FAM83G: variants seen among roughly 807,000 people sequenced by gnomAD.
FAM83G encodes the protein scaffolding CK1 anchoring protein G, also known as protein FAM83G.
FAM83G carries 38 observed loss-of-function variants against 61.5 expected under a neutral mutation model. The observed-to-expected ratio is 0.62, with a 90% CI of 0.48 to 0.81. The LOEUF (loss-of-function observed/expected upper bound fraction) is 0.81, where lower values mean the gene tolerates loss of function less well. Ranked by LOEUF, FAM83G falls within the 30% of genes least tolerant of loss-of-function variation. The pLI is 0.00. For missense variants in FAM83G, 989 were observed against 1,133.6 expected, an observed-to-expected ratio of 0.87 and a Z score of 1.83; for synonymous variants, 470 against 476.1, an observed-to-expected ratio of 0.99 and a Z score of 0.17.
chr17:18,987,484 CAGA>C (rs1278307474), intron 3 of FAM83G, among the ~76,000 whole-genome samples: 1 of 152,226 alleles, frequency 6.6e-6, no homozygotes, highest in Non-Finnish European at 1.5e-5. Flanking sequence ...CGATGGCTGG[CAGA>C]AGGAGGGCTC....
rs1176935676 is a variant in FAM83G, at chr17:18,984,332, CA to C, written c.690+3914del. Among the ~76,000 whole-genome samples the C allele has an allele frequency of 4.9e-3, 332 of 68,010 alleles. 3 individuals carry two copies. The highest frequency in any genetic ancestry group is 8.3e-3 in the Middle Eastern group (1 of 120). The allele number at this position is 68,010 out of a possible 152,430, so 44.6% of individuals were successfully genotyped here. ...TGGGCGACAGAGCAAGACTCCCTCT[CA>C]AAAAAAAAAAAAAAAAAAAAAGAGA... On this transcript the variant is annotated intron_variant, in intron 3 of 5. Coordinates refer to ENST00000388995, the MANE Select transcript of FAM83G (RefSeq NM_001039999.3).
chr17:19,003,378 A>C lies in FAM83G; in HGVS notation c.522+142T>G. The C allele has an allele frequency of 1.1e-6, 1 of 910,764 alleles. No individual in the cohort carries two copies. Among genetic ancestry groups the C allele is most frequent in the East Asian group, 3.2e-5 (1 of 31,364 alleles). 56.4% of individuals were successfully genotyped at this position (910,764 alleles called of 1,614,324 possible). The stretch of plus-strand genomic sequence containing the variant: ...CCACGAAGGTGGGGAGGAAACCTCC[A>C]CCCAAGAGGCAGCCAGGGAAAACAG... On this transcript the variant is annotated intron_variant, in intron 2 of 5. Transcript: ENST00000388995. This position sits in a 1 kb window ranked among gnomAD's most constrained non-coding sequence, Gnocchi z 4.5.
intron 5 of FAM83G, among the ~76,000 whole-genome samples, chr17:18,973,819 A>AC (rs1461640993): frequency 7.3e-6 from 1 of 136,610 alleles, no homozygotes; most frequent in Non-Finnish European, 1.6e-5. Flanking sequence ...TGTCTCAGCC[A>AC]CCCAGGTAGC....
At chr17:18,985,804 C>A (rs1359598671) in intron 3 of FAM83G, among the ~76,000 whole-genome samples, 1 of 152,190 alleles carries the variant, frequency 6.6e-6, no homozygotes, top group Non-Finnish European at 1.5e-5. Context: ...GCAGGCGGGG[C>A]CAGGGACCTG....
chr17:18,975,506 A>T (rs557472591), intron 5 of FAM83G, among the ~76,000 whole-genome samples: 78 of 152,164 alleles, frequency 5.1e-4, no homozygotes, highest in Non-Finnish European at 8.1e-4. Flanking sequence ...CCTGACCAAC[A>T]TGGTAAAACC....
Position 19,003,559 on chromosome 17 carries a change from G to C in FAM83G, c.483C>G (p.Ile161Met), listed in dbSNP as rs1393900527. ...MQPPIDGQAH[I>M]KEVVRKMISQ... ...TGATCATCTTCCGCACCACCTCTTT[G>C]ATGTGGGCCTGCCCGTCTATGGGGG... Residue 161 changes from isoleucine to methionine, a missense_variant, in exon 2 of 6, where the codon ATC (isoleucine) becomes ATG (methionine). Ile to Met is a conservative substitution (Grantham distance 10). Transcript: ENST00000388995. The surrounding 1 kb of genome is among the most constrained non-coding windows in gnomAD (Gnocchi z 4.5). 1 of 1,566,070 alleles carries C rather than the reference G, an allele frequency of 6.4e-7. No homozygotes were observed. Among genetic ancestry groups the C allele is most frequent in the Non-Finnish European group, 8.7e-7 (1 of 1,155,528 alleles).
At chr17:18,972,491 C>T (rs1174644662) in intron 5 of FAM83G, among the ~76,000 whole-genome samples, 1 of 152,146 alleles carries the variant, frequency 6.6e-6, no homozygotes, top group African/African-American at 2.4e-5. Flanking sequence ...TCCGTGGTTC[C>T]CGACTCTGCT....
chr17:19,000,105 C>A lies in FAM83G; in HGVS notation c.522+3415G>T, dbSNP rs918623801. 5.9e-5 allele frequency among the ~76,000 whole-genome samples: 9 copies of A among 152,234 alleles called. No individual in the cohort carries two copies. Among genetic ancestry groups the A allele is most frequent in the Non-Finnish European group, 1.0e-4 (7 of 68,040 alleles). On this transcript the variant is annotated intron_variant, in intron 2 of 5. Transcript: ENST00000388995. This position sits in a 1 kb window ranked among gnomAD's most constrained non-coding sequence, Gnocchi z 5.2. ...CCAGGCGTGATCTTACAAGCCCGTC[C>A]TCTGGTATGTAGTTGGAACCCCACA...
intron 2 of FAM83G, among the ~76,000 whole-genome samples, chr17:18,998,915 CTGTTCT>C (rs1248660414): frequency 2.6e-5 from 4 of 152,212 alleles, no homozygotes; most frequent in Non-Finnish European, 5.9e-5. Context: ...AGAGCTCACC[CTGTTCT>C]TGTGAGTCCC....
chr17:18,989,948 C>T (rs1422126125), intron 2 of FAM83G, among the ~76,000 whole-genome samples: 2 of 152,194 alleles, frequency 1.3e-5, no homozygotes, highest in African/African-American at 2.4e-5. Flanking sequence ...AGAGAGTGGT[C>T]CCCCCAGAGC....
chr17:18,977,412 T>C (rs2043006600), intron 5 of FAM83G, 172 bp downstream of exon 5: 2 of 663,938 alleles, frequency 3.0e-6, no homozygotes, highest in African/African-American at 1.8e-5. Flanking sequence ...GCCTTCCATA[T>C]GGCCCTGGCC....
rs1417548618 is a variant in FAM83G, at chr17:18,969,510, T to G, written c.*1849A>C. ...ACTGCCCGGCACTGTGCAGGATTCATGCCGTTGGGGTTCTGGGTAGCATCG... is the reference window on the plus strand; with the variant it reads ...ACTGCCCGGCACTGTGCAGGATTCAGGCCGTTGGGGTTCTGGGTAGCATCG... On this transcript the variant is annotated 3_prime_UTR_variant, in exon 6 of 6. Transcript: ENST00000388995. 1 of 1,290,936 alleles carries G rather than the reference T, an allele frequency of 7.7e-7. No homozygotes were observed. Among genetic ancestry groups the G allele is most frequent in the African/African-American group, 1.5e-5 (1 of 68,394 alleles). The allele number at this position is 1,290,936 out of a possible 1,614,324, so 80.0% of individuals were successfully genotyped here. A position where few individuals can be genotyped will look rare whatever the true frequency, so the allele number is the denominator to read the frequency against.
At chr17:18,989,679 C>T (rs1055176612) in intron 2 of FAM83G, among the ~76,000 whole-genome samples, 2 of 152,224 alleles carry the variant, frequency 1.3e-5, no homozygotes, top group African/African-American at 4.8e-5. Context: ...CGGTGATGCC[C>T]GTTTGCTGCC....
intron 2 of FAM83G, among the ~76,000 whole-genome samples, chr17:18,990,344 G>T (rs889977300): frequency 2.0e-5 from 3 of 152,168 alleles, no homozygotes; most frequent in Non-Finnish European, 2.9e-5. Context: ...AGGGGTGTGT[G>T]GTGGTAGCAG....
Position 19,003,749 on chromosome 17 carries a change from C to A in FAM83G, c.293G>T (p.Gly98Val). Residue 98 changes from glycine (G) to valine (V), a missense_variant, in exon 2 of 6, where the codon GGC becomes GTC. Physicochemically the swap from Gly to Val is moderately radical, Grantham distance 109 (BLOSUM62 -3). Around this residue, in one of 3 missense-constraint regions of FAM83G, gnomAD observed 371 missense variants for 404.5 expected, o/e 0.92. Coordinates refer to ENST00000388995, the MANE Select transcript of FAM83G (RefSeq NM_001039999.3). The surrounding 1 kb of genome is among the most constrained non-coding windows in gnomAD (Gnocchi z 4.5). The stretch of plus-strand genomic sequence containing the variant: ...CCCATCCGCCCCGCTGGCTTCCTCG[C>A]CGTCGCCGACCCCATTGTCCTCGGG... ...QGPEDNGVGD[G>V]EEASGADGVP... The A allele has an allele frequency of 6.2e-7, 1 of 1,605,460 alleles. No homozygotes were observed. Among genetic ancestry groups the A allele is most frequent in the Non-Finnish European group, 8.5e-7 (1 of 1,176,032 alleles).
intron 3 of FAM83G, among the ~76,000 whole-genome samples, chr17:18,986,640 T>G (rs1003398578): frequency 4.6e-5 from 7 of 152,218 alleles, no homozygotes; most frequent in African/African-American, 1.7e-4. Flanking sequence ...AGGGCTTCTC[T>G]GCTGAGAAGG....
At chr17:18,999,347 G>C (rs1302288430) in intron 2 of FAM83G, among the ~76,000 whole-genome samples, 1 of 152,170 alleles carries the variant, frequency 6.6e-6, no homozygotes, top group East Asian at 1.9e-4. Context: ...TGAGGCTCTG[G>C]TGCTCCCATG....
Position 18,969,008 on chromosome 17 carries a change from G to A in FAM83G, c.*2351C>T. On this transcript the variant is annotated 3_prime_UTR_variant, in exon 6 of 6. Transcript: ENST00000388995. ...GTCACCCAGGGAGTGGCTTGCTGGA[G>A]CCCTGGGAATAACAGTCCCACACAA... The A allele has an allele frequency of 6.4e-7, 1 of 1,569,040 alleles. No individual in the cohort carries two copies. The highest frequency in any genetic ancestry group is 8.6e-7 in the Non-Finnish European group (1 of 1,156,422).
Position 18,978,613 on chromosome 17 carries a change from A to C in FAM83G, c.1053T>G (p.Leu351=). 6.2e-7 allele frequency: 1 copy of C among 1,613,080 alleles called. No individual in the cohort carries two copies. Among genetic ancestry groups the C allele is most frequent in the Non-Finnish European group, 8.5e-7 (1 of 1,179,978 alleles). The change falls in exon 5 of 6, where the codon CTT becomes CTG. Residue 351 remains leucine, a synonymous_variant. Coordinates refer to ENST00000388995, the MANE Select transcript of FAM83G (RefSeq NM_001039999.3). ...AKKLVNPKYA[L]VKAKSVDEIA... ...TCTCGTCGACGCTCTTGGCCTTGAC[A>C]AGTGCGTACTTGGGGTTGACGAGCT...
Sources: gnomAD v4.1 joint callset for allele counts (sites outside exome capture counted in the v4.1 genomes callset) on GRCh38, gnomAD v4.1.1 for gene constraint, gnomAD v4.1.1 regional missense constraint, Gnocchi (gnomAD v3.1) non-coding constraint, MANE v1.5 for transcripts, NCBI Gene and HGNC (gene_info 2026-07-23, HGNC 2026-07-21) for gene names.